RORA: variants seen among roughly 807,000 people sequenced by gnomAD.
RORA encodes the protein nuclear receptor ROR-alpha.
In RORA, 7 loss-of-function variants were observed where a neutral mutation model predicts 69.5. The ratio of observed to expected loss-of-function variants is 0.10; its 90% CI spans 0.06 to 0.19. RORA has a LOEUF of 0.19. Among genes scored for constraint, RORA ranks in the 10% least tolerant of loss-of-function variants. The probability of loss-of-function intolerance (pLI) is 1.00; values close to 1 mark genes in which losing one functional copy is unlikely to be tolerated. For synonymous variants in RORA, 261 were observed against 240.8 expected (o/e 1.08, Z -0.78); for missense variants, 457 against 663.0 (o/e 0.69, Z 3.41).
chr15:61,032,448 G>T (rs1896222967), intron 1 of RORA, among the ~76,000 whole-genome samples: 1 of 152,092 alleles, frequency 6.6e-6, no homozygotes, highest in African/African-American at 2.4e-5. Flanking sequence ...ATTAAAAGTT[G>T]GTTTTCAAAC....
intron 1 of RORA, among the ~76,000 whole-genome samples, chr15:61,008,940 G>T (rs891556768): frequency 6.6e-6 from 1 of 152,118 alleles, no homozygotes. Context: ...AAGACACGGG[G>T]CATAGAAAGG....
At chr15:60,759,462 G>A (rs180698394) in intron 1 of RORA, among the ~76,000 whole-genome samples, 1 of 152,192 alleles carries the variant, frequency 6.6e-6, no homozygotes, top group East Asian at 1.9e-4. Flanking sequence ...ATCAAACGGG[G>A]GGCAACTTTG....
intron 1 of RORA, among the ~76,000 whole-genome samples, chr15:60,950,312 C>T (rs1277321244): frequency 1.1e-4 from 16 of 140,350 alleles, no homozygotes; most frequent in Non-Finnish European, 1.7e-4. Context: ...AAGGAACAAC[C>T]GGTACCAGCC....
chr15:60,516,315 T>C (rs2065958461), intron 3 of RORA, among the ~76,000 whole-genome samples: 1 of 131,514 alleles, frequency 7.6e-6, no homozygotes, highest in Admixed American at 9.6e-5. Context: ...TCCAGGCCTG[T>C]CTTGAACTCC....
At chr15:61,216,214 C>T (rs2140942385) in intron 1 of RORA, among the ~76,000 whole-genome samples, 1 of 152,332 alleles carries the variant, frequency 6.6e-6, no homozygotes, top group South Asian at 2.1e-4. Flanking sequence ...TATAATCCAT[C>T]AGCACACCCT....
intron 1 of RORA, among the ~76,000 whole-genome samples, chr15:61,052,805 C>T (rs772080536): frequency 2.6e-5 from 4 of 152,152 alleles, no homozygotes; most frequent in Non-Finnish European, 4.4e-5. Context: ...GGAAGAAAGA[C>T]GCGAAGATGA....
At chr15:61,203,792 A>C (rs147132601) in intron 1 of RORA, among the ~76,000 whole-genome samples, 15 of 152,370 alleles carry the variant, frequency 9.8e-5, no homozygotes, top group Admixed American at 9.8e-4. Context: ...AGAAAATCTT[A>C]AAAGCAACCA....
At chr15:60,585,676 G>C (rs2068314093) in intron 2 of RORA, among the ~76,000 whole-genome samples, 1 of 152,134 alleles carries the variant, frequency 6.6e-6, no homozygotes, top group Admixed American at 6.5e-5. Context: ...CATAACAATT[G>C]TTGACTCACA....
At chr15:60,967,684 G>A (rs1265572180) in intron 1 of RORA, among the ~76,000 whole-genome samples, 1 of 152,190 alleles carries the variant, frequency 6.6e-6, no homozygotes, top group African/African-American at 2.4e-5. Context: ...AAAATATTCA[G>A]TGAGGTGCTT....
chr15:60,810,417 ATGATCC>A (rs1236557719), intron 1 of RORA, among the ~76,000 whole-genome samples: 1 of 152,064 alleles, frequency 6.6e-6, no homozygotes, highest in Non-Finnish European at 1.5e-5. Flanking sequence ...CTGAAATCTC[ATGATCC>A]TGTCTTAGTG....
intron 1 of RORA, among the ~76,000 whole-genome samples, chr15:60,934,044 C>G (rs141397741): frequency 1.6e-4 from 24 of 152,370 alleles, no homozygotes; most frequent in East Asian, 1.5e-3. Context: ...AGCTCCAGCT[C>G]CACACCATAT....
At chr15:61,057,547 A>C (rs1486163921) in intron 1 of RORA, among the ~76,000 whole-genome samples, 2 of 152,336 alleles carry the variant, frequency 1.3e-5, no homozygotes, top group African/African-American at 4.8e-5. Context: ...TGTCATAGTG[A>C]AAGTAACAAC....
At chr15:61,005,984 T>C (rs528169843) in intron 1 of RORA, among the ~76,000 whole-genome samples, 1 of 151,482 alleles carries the variant, frequency 6.6e-6, no homozygotes, top group Non-Finnish European at 1.5e-5. Flanking sequence ...GTTTTGTTTT[T>C]TTTGAGAAGG....
In RORA at chr15:61,192,669, A is replaced by G. The variant is rs62005860; in HGVS notation, c.166+36384T>C. 8.7e-3 allele frequency among the ~76,000 whole-genome samples: 1,318 copies of G among 152,298 alleles called. 7 individuals are homozygous for G. The highest frequency in any genetic ancestry group is 0.013 in the Non-Finnish European group (902 of 68,030). ...TTCCCTTGGTTAGCAATGAATAATG[A>G]TTTATGGAATAGATTATAATGCACA... On this transcript the variant is annotated intron_variant, in intron 1 of 10. Transcript: ENST00000335670.
At chr15:60,715,149 A>T (rs2071202974) in intron 1 of RORA, among the ~76,000 whole-genome samples, 1 of 152,174 alleles carries the variant, frequency 6.6e-6, no homozygotes, top group African/African-American at 2.4e-5. Flanking sequence ...CACCCGATTT[A>T]TTCTCAAGCA....
intron 1 of RORA, among the ~76,000 whole-genome samples, chr15:61,227,476 C>G (rs1459459656): frequency 6.6e-6 from 1 of 151,960 alleles, no homozygotes; most frequent in African/African-American, 2.4e-5. Context: ...CTTTGGAAAT[C>G]GCCTTTAATT....
chr15:61,046,184 G>A (rs1299339221), intron 1 of RORA, among the ~76,000 whole-genome samples: 1 of 152,172 alleles, frequency 6.6e-6, no homozygotes, highest in Admixed American at 6.5e-5. Flanking sequence ...GGGAGGTAGT[G>A]GAGAGAAATA....
chr15:60,838,092 G>A (rs2073142734), intron 1 of RORA, among the ~76,000 whole-genome samples: 2 of 152,208 alleles, frequency 1.3e-5, no homozygotes, highest in Middle Eastern at 3.4e-3. Flanking sequence ...TACAGACTCT[G>A]TTCTTACTGC....
chr15:60,909,002 T>G (rs1025751591), intron 1 of RORA, among the ~76,000 whole-genome samples: 1 of 152,102 alleles, frequency 6.6e-6, no homozygotes, highest in Non-Finnish European at 1.5e-5. Context: ...TCTTTGTCAT[T>G]ATTACCTCCA....
Sources: gnomAD v4.1 joint callset for allele counts (sites outside exome capture counted in the v4.1 genomes callset) on GRCh38, gnomAD v4.1.1 for gene constraint, MANE v1.5 for transcripts, NCBI Gene and HGNC (gene_info 2026-07-23, HGNC 2026-07-21) for gene names.